Variants in CCNI observed in about 807,000 individuals in gnomAD.
CCNI encodes cyclin I.
Under a neutral mutation model 34.1 loss-of-function variants are expected in CCNI, and 14 were observed. That is an observed-to-expected ratio of 0.41 (90% CI 0.27 to 0.64). The LOEUF is 0.64. Among genes scored for constraint, CCNI ranks in the 30% least tolerant of loss-of-function variants. CCNI has a pLI of 0.31. For synonymous variants in CCNI, 154 were observed against 158.4 expected (o/e 0.97, Z 0.21); for missense variants, 385 against 440.5 (o/e 0.87, Z 1.13).
At chr4:77,053,540 G>A (rs979333400) in intron 6 of CCNI, among the ~76,000 whole-genome samples, 2 of 152,140 alleles carry the variant, frequency 1.3e-5, no homozygotes, top group African/African-American at 4.8e-5. Flanking sequence ...AGGAAAACAT[G>A]ATCTCAAAGC....
In CCNI at chr4:77,063,132, A is replaced by C. The variant is rs543861177; in HGVS notation, c.114+3117T>G. Among the ~76,000 whole-genome samples the C allele has an allele frequency of 7.9e-5, 12 of 152,236 alleles. No homozygotes were observed. In the East Asian group the frequency reaches 1.2e-3, roughly 15 times the overall value. On this transcript the variant is annotated intron_variant, in intron 2 of 6. Transcript: ENST00000237654. Reference sequence around the variant, plus strand: ...GACAGCTGCATAATATTCTTGCCTGACCACACTGTCCTAAATTTGGGGATA... The same window carrying C: ...GACAGCTGCATAATATTCTTGCCTGCCCACACTGTCCTAAATTTGGGGATA...
intron 2 of CCNI, chr4:77,064,809 A>T (rs1330592418): frequency 6.6e-6 from 1 of 151,638 alleles, no homozygotes; most frequent in Non-Finnish European, 1.5e-5. Context: ...CCTCCCAAGT[A>T]GCTGGGTCAC....
chr4:77,069,615 G>T (rs979669776), intron 1 of CCNI, among the ~76,000 whole-genome samples: 5 of 114,456 alleles, frequency 4.4e-5, no homozygotes, highest in African/African-American at 1.1e-4. Flanking sequence ...ACAGGCCCCG[G>T]TGTGTGATGT....
Position 77,057,978 on chromosome 4 carries a change from C to T in CCNI, c.243+529G>A, listed in dbSNP as rs544421396. On this transcript the variant is annotated intron_variant, in intron 3 of 6. Transcript: ENST00000237654. ...ATCAAGAGATAAAAAATTTCATAGG[C>T]TAAAAAGTTATGAATACTTGTAACA... Among the ~76,000 whole-genome samples the T allele has an allele frequency of 4.6e-5, 7 of 152,252 alleles. No homozygotes were observed. In the East Asian group the frequency reaches 1.3e-3, roughly 29 times the overall value.
At position 77,075,487 on chromosome 4, in the gene CCNI, CT is replaced by C; in HGVS notation, c.-60del. ...CGCCCCTCACCTTCTCCTCCTCTTC[CT>C]CCTCCTCCTCCTCCCCGGCAGAGCT... is the stretch of plus-strand genomic sequence containing the variant. On this transcript the variant is annotated 5_prime_UTR_variant, in exon 1 of 7. The change creates a premature stop within an existing upstream ORF in the 5' untranslated region. Coordinates refer to ENST00000237654, the MANE Select transcript of CCNI (RefSeq NM_006835.3). 21 of 863,510 alleles carry C rather than the reference CT, an allele frequency of 2.4e-5. No homozygotes were observed. Among genetic ancestry groups the C allele is most frequent in the Non-Finnish European group, 2.9e-5 (21 of 717,262 alleles). The allele number at this position is 863,510 out of a possible 1,614,324, so 53.5% of individuals were successfully genotyped here.
rs763300653 is a variant in CCNI, at chr4:77,055,387, A to G, written c.460-7T>C. The G allele has an allele frequency of 8.3e-6, 13 of 1,570,116 alleles. No homozygotes were observed. In the Admixed American group the frequency reaches 2.0e-4, roughly 24 times the overall value. ...ACACTGCAATGGCATGGAACTGAAA[A>G]TCACAAGAACATCATTTTAACTTTA... On this transcript the variant is annotated splice_polypyrimidine_tract_variant and splice_region_variant and intron_variant, in intron 5 of 6. Coordinates refer to ENST00000237654, the MANE Select transcript of CCNI (RefSeq NM_006835.3).
chr4:77,074,108 ACAAT>A (rs1338416658), intron 1 of CCNI, among the ~76,000 whole-genome samples: 1 of 152,222 alleles, frequency 6.6e-6, no homozygotes, highest in Admixed American at 6.5e-5. Context: ...AATGTATTAC[ACAAT>A]CAAAACAAAA....
chr4:77,071,621 C>G (rs78248683), intron 1 of CCNI, among the ~76,000 whole-genome samples: 2,368 of 152,066 alleles, frequency 0.016, 61 homozygotes, highest in African/African-American at 0.054. Flanking sequence ...AGACTGACCA[C>G]GAAAATACAG....
intron 2 of CCNI, among the ~76,000 whole-genome samples, chr4:77,063,425 G>T (rs1728763690): frequency 6.6e-6 from 1 of 151,396 alleles, no homozygotes; most frequent in African/African-American, 2.4e-5. Context: ...GGTGCTGGGT[G>T]CGGTGGCTCA....
chr4:77,060,194 G>A (rs1329816145), intron 2 of CCNI, among the ~76,000 whole-genome samples: 6 of 151,888 alleles, frequency 4.0e-5, no homozygotes, highest in African/African-American at 7.3e-5. Flanking sequence ...ATTGTAAGAA[G>A]AATCACAAAG....
intron 6 of CCNI, among the ~76,000 whole-genome samples, chr4:77,052,862 G>A (rs1027241395): frequency 4.6e-5 from 7 of 152,162 alleles, no homozygotes; most frequent in Admixed American, 3.9e-4. Flanking sequence ...TCCATGTTTG[G>A]ACCACATGGG....
At chr4:77,060,473 T>C (rs1728529097) in intron 2 of CCNI, among the ~76,000 whole-genome samples, 1 of 152,202 alleles carries the variant, frequency 6.6e-6, no homozygotes, top group African/African-American at 2.4e-5. Flanking sequence ...CCATATACTT[T>C]TTGAGACAGG....
At chr4:77,060,542 C>T (rs1404257248) in intron 2 of CCNI, among the ~76,000 whole-genome samples, 1 of 152,012 alleles carries the variant, frequency 6.6e-6, no homozygotes, top group Non-Finnish European at 1.5e-5. Context: ...ACTGCAGCCT[C>T]GACCTCCCAG....
chr4:77,062,031 ATAGTAACTTC>A (rs769743425), intron 2 of CCNI, among the ~76,000 whole-genome samples: 1 of 152,104 alleles, frequency 6.6e-6, no homozygotes, highest in Non-Finnish European at 1.5e-5. Flanking sequence ...TCATGCTGTA[ATAGTAACTTC>A]TACTGATGAT....
chr4:77,062,174 T>C (rs556080933), intron 2 of CCNI, among the ~76,000 whole-genome samples: 38 of 152,318 alleles, frequency 2.5e-4, no homozygotes, highest in African/African-American at 8.4e-4. Context: ...ATTTTGATGT[T>C]ACTCCCCGCC....
intron 1 of CCNI, among the ~76,000 whole-genome samples, chr4:77,069,774 C>T (rs4252807): frequency 2.5e-3 from 378 of 152,046 alleles, no homozygotes; most frequent in Non-Finnish European, 4.2e-3. Context: ...ACTCTACCCC[C>T]ACCTGTACCA....
At chr4:77,068,291 G>T (rs1729199887) in intron 1 of CCNI, among the ~76,000 whole-genome samples, 1 of 152,132 alleles carries the variant, frequency 6.6e-6, no homozygotes, top group Non-Finnish European at 1.5e-5. Flanking sequence ...AGAAAGTAAT[G>T]TATCACAATA....
chr4:77,048,207 C>A lies in CCNI; in HGVS notation c.*12G>T. On this transcript the variant is annotated 3_prime_UTR_variant, in exon 7 of 7. Coordinates refer to ENST00000237654, the MANE Select transcript of CCNI (RefSeq NM_006835.3). ...TACCTTAGTTTACACTCAAAGGTAG[C>A]ACTTGTTGAAACTACATGACAGAAA... 1 of 1,604,516 alleles carries A rather than the reference C, an allele frequency of 6.2e-7. No homozygotes were observed. The highest frequency in any genetic ancestry group is 8.5e-7 in the Non-Finnish European group (1 of 1,173,848).
chr4:77,052,566 G>C (rs1482927565), intron 6 of CCNI, among the ~76,000 whole-genome samples: 1 of 152,176 alleles, frequency 6.6e-6, no homozygotes, highest in Non-Finnish European at 1.5e-5. Context: ...TTGTCTCAAA[G>C]TGGGGGCTCA....
Sources: gnomAD v4.1 joint callset for allele counts (sites outside exome capture counted in the v4.1 genomes callset) on GRCh38, gnomAD v4.1.1 for gene constraint, MANE v1.5 for transcripts, NCBI Gene and HGNC (gene_info 2026-07-23, HGNC 2026-07-21) for gene names.